Variants in CSMD2 observed in about 807,000 individuals in gnomAD.
The protein encoded by CSMD2 is CUB and Sushi multiple domains 2.
Under a neutral mutation model 398.5 loss-of-function variants are expected in CSMD2, and 130 were observed. The ratio of observed to expected loss-of-function variants is 0.33; its 90% CI spans 0.28 to 0.38. The LOEUF is 0.38. Ranked by LOEUF, CSMD2 falls within the 10% of genes least tolerant of loss-of-function variation. CSMD2 has a pLI of 1.00. For synonymous variants in CSMD2, 1,828 were observed against 1,908.5 expected (o/e 0.96, Z 1.10); for missense variants, 3,829 against 4,764.9 (o/e 0.80, Z 5.78).
intron 3 of CSMD2, among the ~76,000 whole-genome samples, chr1:33,951,694 CTT>C (rs1218470129): frequency 2.0e-5 from 3 of 152,242 alleles, no homozygotes; most frequent in African/African-American, 7.2e-5. Context: ...TCTTGTGACT[CTT>C]TGATGCCGGC....
At chr1:34,160,036 G>C (rs1352642223) in intron 1 of CSMD2, among the ~76,000 whole-genome samples, 2 of 152,176 alleles carry the variant, frequency 1.3e-5, no homozygotes, top group African/African-American at 2.4e-5. Flanking sequence ...GAGCAATCAG[G>C]TTCCCTTAAT....
chr1:33,574,475 C>A (rs1456798721), intron 49 of CSMD2, among the ~76,000 whole-genome samples: 4 of 152,188 alleles, frequency 2.6e-5, no homozygotes, highest in Non-Finnish European at 4.4e-5. Flanking sequence ...CGTCAAAGTA[C>A]CCACTACTGC....
intron 1 of CSMD2, among the ~76,000 whole-genome samples, chr1:34,140,307 A>G (rs1639159348): frequency 1.7e-5 from 2 of 116,102 alleles, no homozygotes; most frequent in African/African-American, 5.8e-5. Flanking sequence ...AAAACAAACA[A>G]ACAAACAAAC....
chr1:33,785,757 T>A (rs1210551949), intron 12 of CSMD2, among the ~76,000 whole-genome samples: 2 of 152,232 alleles, frequency 1.3e-5, no homozygotes, highest in African/African-American at 4.8e-5. Context: ...AACCCTGAGA[T>A]AATGAACATA....
chr1:34,092,416 G>A (rs917989468), intron 1 of CSMD2, among the ~76,000 whole-genome samples: 8 of 152,184 alleles, frequency 5.3e-5, no homozygotes, highest in Non-Finnish European at 7.3e-5. Flanking sequence ...CAAGATGGCC[G>A]AATAGGAACA....
In CSMD2 at chr1:33,646,987, G is replaced by C. The variant is rs925551455; in HGVS notation, c.4587-152C>G. ...CCCTGAAGACTGGCTGGTGGGAAGGGAGAAGATGAGGCCCTGATGACCTCA... is the reference window on the plus strand; with the variant it reads ...CCCTGAAGACTGGCTGGTGGGAAGGCAGAAGATGAGGCCCTGATGACCTCA... On this transcript the variant is annotated intron_variant, in intron 28 of 70. Transcript: ENST00000373381. 1.1e-5 allele frequency: 8 copies of C among 712,316 alleles called. No homozygotes were observed. In the Admixed American group the frequency reaches 1.4e-4, roughly 13 times the overall value. The allele number at this position is 712,316 out of a possible 1,614,324, so 44.1% of individuals were successfully genotyped here.
At chr1:33,700,737 CT>C in intron 22 of CSMD2, 64 bp from the exon 23 acceptor site, 1 of 1,534,132 alleles carries the variant, frequency 6.5e-7, no homozygotes. Flanking sequence ...ACAACACCTC[CT>C]TACCCCACAA....
chr1:33,974,033 G>A (rs1645868525), intron 3 of CSMD2, among the ~76,000 whole-genome samples: 1 of 152,186 alleles, frequency 6.6e-6, no homozygotes, highest in African/African-American at 2.4e-5. Flanking sequence ...TGACAGCCCT[G>A]AGCAATGGCC....
At chr1:33,781,985 G>A (rs1444353785) in intron 12 of CSMD2, among the ~76,000 whole-genome samples, 3 of 151,904 alleles carry the variant, frequency 2.0e-5, no homozygotes. Flanking sequence ...TGCTTTCAAT[G>A]AGGAAGAAAG....
chr1:33,800,220 C>T (rs575252208), intron 10 of CSMD2, among the ~76,000 whole-genome samples: 1 of 152,326 alleles, frequency 6.6e-6, no homozygotes, highest in East Asian at 1.9e-4. Flanking sequence ...TTCCTGGGCA[C>T]AGCTTGAACC....
chr1:33,580,634 G>A, intron 48 of CSMD2, 119 bp downstream of exon 48: 1 of 1,051,240 alleles, frequency 9.5e-7, no homozygotes, highest in Non-Finnish European at 1.4e-6. Context: ...GAATGGCAAA[G>A]ACCACTTAGC....
At chr1:33,932,917 G>A (rs1229278553) in intron 4 of CSMD2, among the ~76,000 whole-genome samples, 1 of 152,202 alleles carries the variant, frequency 6.6e-6, no homozygotes, top group Non-Finnish European at 1.5e-5. Flanking sequence ...TCAAGGTGCA[G>A]GCAGCACCAA....
At chr1:34,129,859 T>C (rs1170653761) in intron 1 of CSMD2, among the ~76,000 whole-genome samples, 1 of 152,032 alleles carries the variant, frequency 6.6e-6, no homozygotes, top group Non-Finnish European at 1.5e-5. Flanking sequence ...GAATTCACAG[T>C]CCCTTCTGCC....
chr1:33,607,897 C>T (rs572734024), intron 41 of CSMD2, among the ~76,000 whole-genome samples: 1 of 152,336 alleles, frequency 6.6e-6, no homozygotes, highest in East Asian at 1.9e-4. Flanking sequence ...GGGCCAACTC[C>T]TGGTGGAGGA....
intron 47 of CSMD2, 44 bp from the exon 48 acceptor site, chr1:33,580,943 A>T: frequency 1.2e-6 from 2 of 1,605,210 alleles, no homozygotes; most frequent in Non-Finnish European, 8.5e-7. Context: ...GGGAGCCATC[A>T]CAGGGAGCCT....
intron 4 of CSMD2, among the ~76,000 whole-genome samples, chr1:33,931,747 G>A (rs1439593544): frequency 6.6e-6 from 1 of 152,200 alleles, no homozygotes; most frequent in Non-Finnish European, 1.5e-5. Flanking sequence ...TTCTGGAAGA[G>A]CCTTCTGCTC....
At chr1:34,083,457 T>C (rs1273632408) in intron 2 of CSMD2, among the ~76,000 whole-genome samples, 1 of 152,242 alleles carries the variant, frequency 6.6e-6, no homozygotes, top group East Asian at 1.9e-4. Context: ...TTTTTCCTAA[T>C]TCAACTTCTC....
chr1:34,095,437 C>CA (rs1659164945), intron 1 of CSMD2, among the ~76,000 whole-genome samples: 1 of 150,508 alleles, frequency 6.6e-6, no homozygotes, highest in Admixed American at 6.6e-5. Context: ...AATAGAGACA[C>CA]AAAAAACCCT....
At chr1:34,060,862 C>A (rs72667718) in intron 2 of CSMD2, among the ~76,000 whole-genome samples, 5,791 of 152,200 alleles carry the variant, frequency 0.038, 128 homozygotes, top group East Asian at 0.062. Context: ...CAGGCCTCAT[C>A]TTCGTGGTCC....
Sources: gnomAD v4.1 joint callset for allele counts (sites outside exome capture counted in the v4.1 genomes callset) on GRCh38, gnomAD v4.1.1 for gene constraint, MANE v1.5 for transcripts, NCBI Gene and HGNC (gene_info 2026-07-23, HGNC 2026-07-21) for gene names.